The following SPTY2D1 variants were observed in gnomAD, a reference collection of about 807,000 sequenced individuals.
SPTY2D1 encodes protein SPT2 homolog.
SPTY2D1 carries 21 observed loss-of-function variants against 64.0 expected under a neutral mutation model. The ratio of observed to expected loss-of-function variants is 0.33; its 90% CI spans 0.23 to 0.47. The LOEUF (loss-of-function observed/expected upper bound fraction) is 0.47. SPTY2D1 is among the 20% of genes least tolerant of loss of function. The pLI, the probability that SPTY2D1 is intolerant of heterozygous loss-of-function variation, is 1.00. For missense variants in SPTY2D1, 724 were observed against 837.2 expected, an observed-to-expected ratio of 0.86 and a Z score of 1.67; for synonymous variants, 287 against 286.8, an observed-to-expected ratio of 1.00 and a Z score of -0.01.
intron 5 of SPTY2D1, among the ~76,000 whole-genome samples, chr11:18,610,570 C>T (rs764987200): frequency 4.0e-5 from 6 of 149,326 alleles, no homozygotes; most frequent in Non-Finnish European, 5.9e-5. Context: ...GAAGCTGAGG[C>T]AGAAGAATCG....
chr11:18,614,989 CTG>C lies in SPTY2D1; in HGVS notation c.1283_1284del (p.Thr428SerfsTer26). On this transcript the variant is annotated frameshift_variant, in exon 3 of 6. Transcript: ENST00000336349. LOFTEE classifies it high-confidence loss of function. Reference protein sequence around the residue: ...PTNDSNPSRRTVSGTCGPGQP... With the variant: ...PTNDSNPSRRXVSGTCGPGQP... ...TGTCCAGGGCCACATGTACCACTGACTGTCCGCCTAGAGGGATTTGAGTCATT... is the reference window on the plus strand; with the variant it reads ...TGTCCAGGGCCACATGTACCACTGACTCCGCCTAGAGGGATTTGAGTCATT... 1.2e-6 allele frequency: 2 copies of C among 1,614,212 alleles called. No individual in the cohort carries two copies. The highest frequency in any genetic ancestry group is 8.5e-7 in the Non-Finnish European group (1 of 1,180,052).
At position 18,609,890 on chromosome 11, in the gene SPTY2D1, G is replaced by A; in HGVS notation, c.2029C>T (p.Arg677Ter). The A allele has an allele frequency of 1.2e-6, 2 of 1,614,116 alleles. No individual in the cohort carries two copies. The highest frequency in any genetic ancestry group is 1.1e-5 in the South Asian group (1 of 91,078). ...CGCCTCTTCAGCTTCTTGGCCCTTCGACGTTGCATTTCTTCTTCTTCACGT... is the reference window on the plus strand; with the variant it reads ...CGCCTCTTCAGCTTCTTGGCCCTTCAACGTTGCATTTCTTCTTCTTCACGT... ...MRREEEEMQR[R>*]RAKKLKRR The change falls in exon 6 of 6, where the codon CGA becomes TGA. Residue 677 changes from arginine to a stop codon, truncating the protein, a stop_gained. Coordinates refer to ENST00000336349, the MANE Select transcript of SPTY2D1 (RefSeq NM_194285.3). LOFTEE classifies it high-confidence loss of function.
rs77570109 is a variant in SPTY2D1, at chr11:18,633,431, A to T, written c.60+767T>A. Reference sequence around the variant, plus strand: ...TGATTAGCTTATGCAAAACAGCCATAACCCCCAGAAACCAGGCGCTCTCCA... The same window carrying T: ...TGATTAGCTTATGCAAAACAGCCATTACCCCCAGAAACCAGGCGCTCTCCA... On this transcript the variant is annotated intron_variant, in intron 1 of 5. Coordinates refer to ENST00000336349, the MANE Select transcript of SPTY2D1 (RefSeq NM_194285.3). Among the ~76,000 whole-genome samples, 759 of 152,326 alleles carry T rather than the reference A, an allele frequency of 5.0e-3. 10 individuals are homozygous for T. The highest frequency in any genetic ancestry group is 0.017 in the African/African-American group (700 of 41,558).
chr11:18,630,198 C>T (rs1854565250), intron 1 of SPTY2D1, among the ~76,000 whole-genome samples: 2 of 150,792 alleles, frequency 1.3e-5, no homozygotes, highest in Admixed American at 1.3e-4. Flanking sequence ...AAGCTCTGGC[C>T]GGGCATGGTG....
At chr11:18,625,748 G>C (rs1854484961) in intron 1 of SPTY2D1, among the ~76,000 whole-genome samples, 2 of 29,092 alleles carry the variant, frequency 6.9e-5, no homozygotes, top group Admixed American at 9.3e-4. Context: ...TGTATTTTTT[G>C]TAGAGATTGG....
rs975580076 is a variant in SPTY2D1 at position 18,612,759 on chromosome 11, TTC to T, written c.1712-273_1712-272del. Among the ~76,000 whole-genome samples the T allele has an allele frequency of 4.6e-4, 70 of 151,860 alleles. No homozygotes were observed. The highest frequency in any genetic ancestry group is 1.7e-3 in the African/African-American group (69 of 41,348). The stretch of plus-strand genomic sequence containing the variant: ...TCTGAATTTATAAGATCAGTAAAAT[TTC>T]TTTCTTTCTTTTTTTTTTTTTTGAG... On this transcript the variant is annotated intron_variant, in intron 3 of 5. Coordinates refer to ENST00000336349, the MANE Select transcript of SPTY2D1 (RefSeq NM_194285.3). The surrounding 1 kb of genome is among the most constrained non-coding windows in gnomAD (Gnocchi z 4.6).
rs536910628 is a variant in SPTY2D1, at chr11:18,614,761, T to A, written c.1513A>T (p.Thr505Ser). The A allele has an allele frequency of 1.2e-6, 2 of 1,613,118 alleles. No homozygotes were observed. The highest frequency in any genetic ancestry group is 1.3e-5 in the African/African-American group (1 of 75,060). ...CTTCCTGGGACTGAATTACTGACAG[T>A]CCGTCCAGCTGGAATTGAGCCACTT... Reference protein sequence around the residue: ...SISGSIPAGRTVSNSVPGRPV... With the variant: ...SISGSIPAGRSVSNSVPGRPV... Residue 505 changes from threonine (T) to serine (S), a missense_variant, in exon 3 of 6, where the codon ACT becomes TCT. Coordinates refer to ENST00000336349, the MANE Select transcript of SPTY2D1 (RefSeq NM_194285.3).
chr11:18,626,708 GATTAA>G (rs1472830629), intron 1 of SPTY2D1, among the ~76,000 whole-genome samples: 1 of 152,176 alleles, frequency 6.6e-6, no homozygotes, highest in African/African-American at 2.4e-5. Flanking sequence ...TTATTATGAT[GATTAA>G]ATTAATATAT....
At chr11:18,618,010 GC>G (rs1254177277) in intron 1 of SPTY2D1, among the ~76,000 whole-genome samples, 6 of 152,150 alleles carry the variant, frequency 3.9e-5, no homozygotes, top group African/African-American at 7.2e-5. Flanking sequence ...AAAATAGCCT[GC>G]CTTAGAAAGA....
intron 4 of SPTY2D1, 69 bp from the exon 5 acceptor site, chr11:18,611,623 T>C: frequency 7.8e-7 from 1 of 1,281,740 alleles, no homozygotes; most frequent in Non-Finnish European, 1.1e-6. Context: ...CGTCCTCTCA[T>C]TTAAAAAATC....
chr11:18,622,086 C>CAAAAAAAAAAAAAAAAAAAAAAA (rs747593791), intron 1 of SPTY2D1, among the ~76,000 whole-genome samples: 1 of 11,826 alleles, frequency 8.5e-5, no homozygotes, highest in African/African-American at 2.4e-4. Context: ...GACCCTATCT[C>CAAAAAAAAAAAAAAAAAAAAAAA]AAAAAAAAAA....
intron 1 of SPTY2D1, among the ~76,000 whole-genome samples, chr11:18,629,968 A>G (rs4757679): frequency 0.36 from 54,762 of 151,348 alleles, 11,229 homozygotes; most frequent in Middle Eastern, 0.48. Context: ...CAGGAGATCG[A>G]GACCATCCTG....
At position 18,615,244 on chromosome 11, in the gene SPTY2D1, A is replaced by AT; in HGVS notation, c.1029dup (p.Ser344IlefsTer6). 1 of 1,614,122 alleles carries AT rather than the reference A, an allele frequency of 6.2e-7. No individual in the cohort carries two copies. Among genetic ancestry groups the AT allele is most frequent in the Non-Finnish European group, 8.5e-7 (1 of 1,180,012 alleles). On this transcript the variant is annotated frameshift_variant, in exon 3 of 6. Coordinates refer to ENST00000336349, the MANE Select transcript of SPTY2D1 (RefSeq NM_194285.3). LOFTEE classifies it high-confidence loss of function. Reference sequence around the variant, plus strand: ...CTGGAATGGCTAGGATGGGACAGAGATTTTTTGGCTTTGTGCTCAACAGCA... The same window carrying AT: ...CTGGAATGGCTAGGATGGGACAGAGATTTTTTTGGCTTTGTGCTCAACAGCA...
intron 1 of SPTY2D1, among the ~76,000 whole-genome samples, chr11:18,632,780 A>G (rs1041041529): frequency 2.0e-5 from 3 of 152,210 alleles, no homozygotes; most frequent in African/African-American, 7.2e-5. Context: ...CTTTTCTCCC[A>G]GCAGCTACTG....
chr11:18,615,429 G>C lies in SPTY2D1; in HGVS notation c.845C>G (p.Ser282Cys). The change falls in exon 3 of 6, where the codon TCC becomes TGC. Residue 282 changes from serine to cysteine, a missense_variant. Transcript: ENST00000336349. Reference sequence around the variant, plus strand: ...TGCCTTGATCCTCTCTCCTGGCATGGATTTGGATGAAGACAAAGCGAGGTG... The same window carrying C: ...TGCCTTGATCCTCTCTCCTGGCATGCATTTGGATGAAGACAAAGCGAGGTG... Reference protein sequence around the residue: ...EKHLALSSSKSMPGERIKAGS... With the variant: ...EKHLALSSSKCMPGERIKAGS... The C allele has an allele frequency of 5.0e-6, 8 of 1,614,190 alleles. No individual in the cohort carries two copies. Among genetic ancestry groups the C allele is most frequent in the Non-Finnish European group, 6.8e-6 (8 of 1,180,022 alleles).
intron 1 of SPTY2D1, among the ~76,000 whole-genome samples, chr11:18,621,037 C>T (rs1191587741): frequency 1.3e-5 from 2 of 151,980 alleles, no homozygotes; most frequent in Admixed American, 6.5e-5. Flanking sequence ...GGCGTGGTGG[C>T]TCATGCCTGT....
At chr11:18,622,515 A>G (rs1854428709) in intron 1 of SPTY2D1, among the ~76,000 whole-genome samples, 1 of 152,036 alleles carries the variant, frequency 6.6e-6, no homozygotes, top group African/African-American at 2.4e-5. Context: ...TGACAGAGCA[A>G]GACTCTGTCT....
intron 1 of SPTY2D1, among the ~76,000 whole-genome samples, chr11:18,620,289 C>T (rs1427601343): frequency 1.3e-5 from 2 of 151,106 alleles, no homozygotes; most frequent in South Asian, 2.1e-4. Context: ...AGCCTGGCCT[C>T]GAACTCTGGT....
chr11:18,634,127 T>C (rs765458510), intron 1 of SPTY2D1, 71 bp downstream of exon 1: 2 of 1,566,252 alleles, frequency 1.3e-6, no homozygotes, highest in Non-Finnish European at 1.8e-6. Flanking sequence ...GCCCAGAAGT[T>C]CCATGGGCCA....
Sources: gnomAD v4.1 joint callset for allele counts (sites outside exome capture counted in the v4.1 genomes callset) on GRCh38, gnomAD v4.1.1 for gene constraint, Gnocchi (gnomAD v3.1) non-coding constraint, MANE v1.5 for transcripts, NCBI Gene and HGNC (gene_info 2026-07-23, HGNC 2026-07-21) for gene names.